EYA4: variants seen among roughly 807,000 people sequenced by gnomAD.
The protein encoded by EYA4 is protein phosphatase EYA4.
A neutral mutation model predicts 87.9 loss-of-function variants in EYA4; 31 were observed. That is an observed-to-expected ratio of 0.35 (90% CI 0.27 to 0.48). EYA4 has a LOEUF of 0.48. EYA4 is among the 20% of genes least tolerant of loss of function. The probability of loss-of-function intolerance (pLI) is 0.99; values close to 1 mark genes in which losing one functional copy is unlikely to be tolerated. For missense variants in EYA4, 678 were observed against 761.4 expected (o/e 0.89, Z 1.29); for synonymous variants, 263 against 270.6 (o/e 0.97, Z 0.28).
chr6:133,251,232 A>G (rs749219729), intron 1 of EYA4, among the ~76,000 whole-genome samples: 6 of 152,226 alleles, frequency 3.9e-5, no homozygotes, highest in Non-Finnish European at 8.8e-5. Context: ...CTTTATAGCC[A>G]ATATTTAAGT....
At chr6:133,274,015 T>C (rs1776959113) in intron 1 of EYA4, among the ~76,000 whole-genome samples, 1 of 152,200 alleles carries the variant, frequency 6.6e-6, no homozygotes, top group Non-Finnish European at 1.5e-5. Flanking sequence ...TAAAATCCTC[T>C]ATCTGGGGAT....
chr6:133,255,164 G>A lies in EYA4; in HGVS notation c.-66+13415G>A, dbSNP rs58654174. Among the ~76,000 whole-genome samples, 1,063 of 152,246 alleles carry A rather than the reference G, an allele frequency of 7.0e-3. 14 individuals are homozygous for A. The highest frequency in any genetic ancestry group is 0.024 in the African/African-American group (1,012 of 41,544). On this transcript the variant is annotated intron_variant, in intron 1 of 19. Transcript: ENST00000355286. ...GCCCACTATAAAAGCTCAGGTTATA[G>A]TTTGAATTGATATCTTGGAATAAAA...
intron 17 of EYA4, among the ~76,000 whole-genome samples, chr6:133,519,364 C>G (rs2128801807): frequency 6.6e-6 from 1 of 152,112 alleles, no homozygotes; most frequent in South Asian, 2.1e-4. Context: ...ATACTACAAA[C>G]ACCTCTACGC....
chr6:133,446,732 A>G lies in EYA4; in HGVS notation c.186A>G (p.Ser62=), dbSNP rs1792881879. Reference sequence around the variant, plus strand: ...AAAAATCTAATCTCAGCAGCACATCAGTTACTACAAATGGGACAGGAGGTA... The same window carrying G: ...AAAAATCTAATCTCAGCAGCACATCGGTTACTACAAATGGGACAGGAGGTA... ...KLEKSNLSST[S]VTTNGTGGEN... The change falls in exon 4 of 20, where the codon TCA becomes TCG. Residue 62 remains serine (S), a synonymous_variant. Coordinates refer to ENST00000355286, the MANE Select transcript of EYA4 (RefSeq NM_004100.5). The G allele has an allele frequency of 6.2e-7, 1 of 1,613,898 alleles. No homozygotes were observed. Among genetic ancestry groups the G allele is most frequent in the African/African-American group, 1.3e-5 (1 of 74,914 alleles).
intron 2 of EYA4, among the ~76,000 whole-genome samples, chr6:133,311,363 T>G (rs527398028): frequency 1.3e-5 from 2 of 152,340 alleles, no homozygotes; most frequent in East Asian, 1.9e-4. Flanking sequence ...TCTCATGCTG[T>G]TGCCCAGGCT....
chr6:133,267,906 A>G (rs114230804), intron 1 of EYA4, among the ~76,000 whole-genome samples: 6,332 of 152,278 alleles, frequency 0.042, 474 homozygotes, highest in African/African-American at 0.14. Flanking sequence ...TTTAAAGTAC[A>G]GAGATGGATT....
intron 13 of EYA4, among the ~76,000 whole-genome samples, chr6:133,497,783 A>G (rs3777872): frequency 0.03 from 4,536 of 152,290 alleles, 257 homozygotes; most frequent in East Asian, 0.18. Context: ...TCATTAATGT[A>G]TCATGTGCTA....
chr6:133,388,503 T>G lies in EYA4; in HGVS notation c.83+6062T>G, dbSNP rs142868822. 5.6e-3 allele frequency among the ~76,000 whole-genome samples: 850 copies of G among 152,246 alleles called. 7 individuals are homozygous for G. The highest frequency in any genetic ancestry group is 0.019 in the African/African-American group (780 of 41,542). Reference sequence around the variant, plus strand: ...ACCCTTCCAGTAGCTCATTGGGAACTCCTGGTAACTTATCTTTATTGGCCA... The same window carrying G: ...ACCCTTCCAGTAGCTCATTGGGAACGCCTGGTAACTTATCTTTATTGGCCA... On this transcript the variant is annotated intron_variant, in intron 3 of 19. Coordinates refer to ENST00000355286, the MANE Select transcript of EYA4 (RefSeq NM_004100.5).
rs761167268 is a variant in EYA4 at position 133,481,455 on chromosome 6, A to G, written c.971-8A>G. 6.2e-7 allele frequency: 1 copy of G among 1,613,422 alleles called. No individual in the cohort carries two copies. The highest frequency in any genetic ancestry group is 1.1e-5 in the South Asian group (1 of 91,074). Reference sequence around the variant, plus strand: ...TGCTATTCTTGACCTAAGTCATGTTATCTATAGGAGAGTTCGATACCATGC... The same window carrying G: ...TGCTATTCTTGACCTAAGTCATGTTGTCTATAGGAGAGTTCGATACCATGC... On this transcript the variant is annotated splice_region_variant and splice_polypyrimidine_tract_variant and intron_variant, in intron 11 of 19. Transcript: ENST00000355286.
At chr6:133,247,679 T>C (rs752548767) in intron 1 of EYA4, 13 of 152,210 alleles carry the variant, frequency 8.5e-5, no homozygotes, top group African/African-American at 1.2e-4. Flanking sequence ...TTTACTTATA[T>C]ACTCAGCCAC....
chr6:133,522,596 T>G (rs1800282244), intron 17 of EYA4, among the ~76,000 whole-genome samples: 1 of 152,186 alleles, frequency 6.6e-6, no homozygotes, highest in Non-Finnish European at 1.5e-5. Flanking sequence ...GTTTTTTGTT[T>G]TCTTCTTTAT....
At chr6:133,463,140 G>A (rs1224126151) in intron 9 of EYA4, among the ~76,000 whole-genome samples, 2 of 151,946 alleles carry the variant, frequency 1.3e-5, no homozygotes, top group Non-Finnish European at 1.5e-5. Flanking sequence ...ATGCTGTTTT[G>A]ATTATACTTA....
chr6:133,279,161 A>G (rs1777422694), intron 2 of EYA4, among the ~76,000 whole-genome samples: 1 of 152,186 alleles, frequency 6.6e-6, no homozygotes, highest in Admixed American at 6.5e-5. Flanking sequence ...TCAAGCCAGC[A>G]GGTTTGAAAA....
At chr6:133,407,707 AG>A (rs1292353373) in intron 3 of EYA4, among the ~76,000 whole-genome samples, 1 of 151,444 alleles carries the variant, frequency 6.6e-6, no homozygotes, top group Non-Finnish European at 1.5e-5. Context: ...AATTCAACTT[AG>A]GGTTCTGATG....
chr6:133,466,569 TAGAA>T (rs1297407830), intron 10 of EYA4, among the ~76,000 whole-genome samples: 3 of 151,994 alleles, frequency 2.0e-5, no homozygotes, highest in East Asian at 1.9e-4. Flanking sequence ...AATGCAGAAT[TAGAA>T]AGAGAACAGG....
intron 17 of EYA4, among the ~76,000 whole-genome samples, chr6:133,516,131 T>C (rs1164920207): frequency 6.6e-6 from 1 of 152,152 alleles, no homozygotes; most frequent in African/African-American, 2.4e-5. Context: ...CATTATTTTA[T>C]ATCTGAGTTA....
chr6:133,391,200 T>C (rs1787238141), intron 3 of EYA4, among the ~76,000 whole-genome samples: 1 of 151,306 alleles, frequency 6.6e-6, no homozygotes, highest in Non-Finnish European at 1.5e-5. Flanking sequence ...TTAGTATCTA[T>C]TATTTTTTGG....
intron 3 of EYA4, among the ~76,000 whole-genome samples, chr6:133,388,002 G>T (rs1246922647): frequency 6.6e-6 from 1 of 152,132 alleles, no homozygotes; most frequent in Non-Finnish European, 1.5e-5. Flanking sequence ...TTGTGTCTTT[G>T]ATAGCTGACC....
chr6:133,356,746 AGTGTGTGTGTGTGTGTGTGTGTGT>A (rs58234857), intron 2 of EYA4, among the ~76,000 whole-genome samples: 2 of 136,796 alleles, frequency 1.5e-5, no homozygotes, highest in Non-Finnish European at 3.1e-5. Flanking sequence ...AGCATTATTC[AGTGTGTGTGTGTGTGTGTGTGTGT>A]GTGTGTGTGT....
Sources: allele counts gnomAD v4.1 joint callset (sites outside exome capture counted in the v4.1 genomes callset), GRCh38; gene constraint gnomAD v4.1.1; transcripts MANE v1.5; gene names NCBI Gene and HGNC (gene_info 2026-07-23, HGNC 2026-07-21).